TVP23C: variants seen among roughly 807,000 people sequenced by gnomAD.
TVP23C encodes the protein Golgi apparatus membrane protein TVP23 homolog C.
In TVP23C, 19 loss-of-function variants were observed where a neutral mutation model predicts 28.7. The observed-to-expected ratio is 0.66, with a 90% CI of 0.46 to 0.97. The LOEUF (loss-of-function observed/expected upper bound fraction) is 0.97, where lower values mean the gene tolerates loss of function less well. TVP23C is among the 50% of genes least tolerant of loss of function. The pLI, the probability that TVP23C is intolerant of heterozygous loss-of-function variation, is 0.00. For synonymous variants in TVP23C, 68 were observed against 81.7 expected, an observed-to-expected ratio of 0.83 and a Z score of 0.90; for missense variants, 186 against 241.3, an observed-to-expected ratio of 0.77 and a Z score of 1.52.
chr17:15,529,542 T>C (rs138204800), intron 5 of TVP23C, among the ~76,000 whole-genome samples: 34 of 152,244 alleles, frequency 2.2e-4, no homozygotes, highest in African/African-American at 7.5e-4. Flanking sequence ...TTTAAGTGCA[T>C]ATTTGTTTTT....
At chr17:15,545,550 T>C (rs1326609965) in intron 5 of TVP23C, among the ~76,000 whole-genome samples, 2 of 152,308 alleles carry the variant, frequency 1.3e-5, no homozygotes, top group Non-Finnish European at 2.9e-5. Flanking sequence ...CCAACCATTA[T>C]TTCCAGAAAA....
downstream of TVP23C, among the ~76,000 whole-genome samples, chr17:15,534,256 T>C (rs1479499035): frequency 6.6e-6 from 1 of 152,050 alleles, no homozygotes; most frequent in Non-Finnish European, 1.5e-5. Flanking sequence ...AGCATCTCTA[T>C]TCACTTTCAC....
chr17:15,528,216 A>G (rs1272761765), intron 5 of TVP23C, among the ~76,000 whole-genome samples: 1 of 152,030 alleles, frequency 6.6e-6, no homozygotes, highest in Non-Finnish European at 1.5e-5. Context: ...TCTCTTGTTT[A>G]AAAAAAATAA....
At chr17:15,502,830 C>G in exon 6 of TVP23C, 1 of 1,518,724 alleles carries the variant, frequency 6.6e-7, no homozygotes. Context: ...CTCTCTCTCT[C>G]TCCTGCGAGG....
At chr17:15,559,863 G>A (rs2109102) in intron 1 of TVP23C, among the ~76,000 whole-genome samples, 1 of 148,740 alleles carries the variant, frequency 6.7e-6, no homozygotes, top group Non-Finnish European at 1.5e-5. Flanking sequence ...ACAGACTCCT[G>A]GCATTCCAAT....
intron 1 of TVP23C, chr17:15,562,123 G>T (rs977072500): frequency 6.6e-6 from 1 of 152,198 alleles, no homozygotes; most frequent in African/African-American, 2.4e-5. Flanking sequence ...AGCCCTCCAG[G>T]CTGCTCTATG....
At position 15,523,690 on chromosome 17, in the gene TVP23C, TGCCAGCTCCGCCTCCCAGGTTCAC is replaced by T. The variant is rs1259840368; in HGVS notation, c.463-20482_463-20459del. On this transcript the variant is annotated intron_variant, in intron 5 of 5. Coordinates refer to the TVP23C transcript ENST00000225576. ...GTGCAGTGGTGCAATCTCGGCTCAC[TGCCAGCTCCGCCTCCCAGGTTCAC>T]GCCATTCTCCTGCCTCAGTCTCCCA... Among the ~76,000 whole-genome samples the T allele has an allele frequency of 1.3e-5, 2 of 151,214 alleles. 1 individual carries two copies. The highest frequency in any genetic ancestry group is 4.9e-5 in the African/African-American group (2 of 41,042).
intron 5 of TVP23C, among the ~76,000 whole-genome samples, chr17:15,522,420 G>A (rs899265999): frequency 6.6e-6 from 1 of 151,926 alleles, no homozygotes; most frequent in African/African-American, 2.4e-5. Flanking sequence ...AATAAATAAG[G>A]AAAAAATAGA....
intron 3 of TVP23C, among the ~76,000 whole-genome samples, chr17:15,553,268 G>C (rs1389332730): frequency 6.7e-6 from 1 of 150,130 alleles, no homozygotes; most frequent in East Asian, 2.0e-4. Flanking sequence ...CTTTTCAAAA[G>C]GTAGGTATTT....
chr17:15,539,226 G>A lies in TVP23C; in HGVS notation c.*1186C>T. On this transcript the variant is annotated 3_prime_UTR_variant, in exon 6 of 6. Transcript: ENST00000518321. Reference sequence around the variant, plus strand: ...CTTGTGCCCTCTAGGTGATTCTCATGTATGTTCGAGTTTAAGAATCCCTGT... The same window carrying A: ...CTTGTGCCCTCTAGGTGATTCTCATATATGTTCGAGTTTAAGAATCCCTGT... 2 of 981,630 alleles carry A rather than the reference G, an allele frequency of 2.0e-6. No homozygotes were observed. The highest frequency in any genetic ancestry group is 2.4e-6 in the Non-Finnish European group (2 of 826,560). The allele number at this position is 981,630 out of a possible 1,614,324, so 60.8% of individuals were successfully genotyped here. A position where few individuals can be genotyped will look rare whatever the true frequency, so the allele number is the denominator to read the frequency against.
exon 6 of TVP23C, chr17:15,502,959 G>A: frequency 6.2e-7 from 1 of 1,614,114 alleles, no homozygotes; most frequent in Non-Finnish European, 8.5e-7. Context: ...GCCCAAAGCC[G>A]CAAGGAGAGA....
Position 15,538,962 on chromosome 17 carries a change from T to C in TVP23C, c.*1450A>G, listed in dbSNP as rs1567639163. The C allele has an allele frequency of 1.0e-6, 1 of 985,698 alleles. No individual in the cohort carries two copies. The highest frequency in any genetic ancestry group is 1.2e-6 in the Non-Finnish European group (1 of 829,854). The allele number at this position is 985,698 out of a possible 1,614,324, so 61.1% of individuals were successfully genotyped here. On this transcript the variant is annotated 3_prime_UTR_variant, in exon 6 of 6. Coordinates refer to ENST00000518321, the MANE Select transcript of TVP23C (RefSeq NM_001135036.2). ...ATCTTCTGTGAGAGAAACTGTACAG[T>C]AGAATAAAAAGAACAATAAATTTTG...
intron 5 of TVP23C, 23 bp downstream of exon 5, chr17:15,545,762 G>A: frequency 6.3e-7 from 1 of 1,596,146 alleles, no homozygotes; most frequent in Non-Finnish European, 8.5e-7. Context: ...TGGATTATTT[G>A]AAAGTTCTAC....
chr17:15,503,798 A>G (rs556250747), intron 5 of TVP23C, among the ~76,000 whole-genome samples: 3 of 152,254 alleles, frequency 2.0e-5, no homozygotes, highest in South Asian at 4.2e-4. Context: ...GTAAGGCTTC[A>G]TGGCTAGCAT....
rs58106297 is a variant in TVP23C at position 15,556,363 on chromosome 17, C to CT, written c.13-1000dup. 2.7e-3 allele frequency among the ~76,000 whole-genome samples: 328 copies of CT among 122,000 alleles called. 1 individual carries two copies. Among genetic ancestry groups the CT allele is most frequent in the African/African-American group, 7.8e-3 (256 of 32,824 alleles). The allele number at this position is 122,000 out of a possible 152,430, so 80.0% of individuals were successfully genotyped here. A position where few individuals can be genotyped will look rare whatever the true frequency, so the allele number is the denominator to read the frequency against. ...AAGCATTGCTTCCTTTTACCTTAGG[C>CT]TTTTTTTTTTTTTTTTGAGATGGAG... On this transcript the variant is annotated intron_variant, in intron 1 of 5. Coordinates refer to ENST00000518321, the MANE Select transcript of TVP23C (RefSeq NM_001135036.2).
At chr17:15,514,390 CTTAGTACTGCATGTTAAAATG>C (rs1268957683) in intron 5 of TVP23C, among the ~76,000 whole-genome samples, 3 of 152,186 alleles carry the variant, frequency 2.0e-5, no homozygotes, top group Non-Finnish European at 2.9e-5. Flanking sequence ...CTCTTTTCAA[CTTAGTACTGCATGTTAAAATG>C]TTTGTAAGAC....
At chr17:15,543,056 A>G (rs1177014613) in intron 5 of TVP23C, among the ~76,000 whole-genome samples, 3 of 152,094 alleles carry the variant, frequency 2.0e-5, no homozygotes, top group African/African-American at 7.3e-5. Context: ...AACAATCCAA[A>G]GCAGAAGGGA....
chr17:15,545,391 A>G (rs1412967335), intron 5 of TVP23C, among the ~76,000 whole-genome samples: 1 of 152,220 alleles, frequency 6.6e-6, no homozygotes, highest in African/African-American at 2.4e-5. Context: ...TCTGACTACA[A>G]CTACTCAAGA....
intron 5 of TVP23C, chr17:15,516,345 C>T (rs1982226607): frequency 6.6e-6 from 1 of 152,244 alleles, no homozygotes; most frequent in African/African-American, 2.4e-5. Context: ...ATGGTTAGTA[C>T]ATTAGTCAGC....
Sources: allele counts gnomAD v4.1 joint callset (sites outside exome capture counted in the v4.1 genomes callset), GRCh38; gene constraint gnomAD v4.1.1; transcripts MANE v1.5; gene names NCBI Gene and HGNC (gene_info 2026-07-23, HGNC 2026-07-21).